The following ACTR3C variants were observed in gnomAD, a reference collection of about 807,000 sequenced individuals.
ACTR3C encodes actin-related protein 3C.
A neutral mutation model predicts 26.3 loss-of-function variants in ACTR3C; 18 were observed. That is an observed-to-expected ratio of 0.68 (90% confidence interval 0.47 to 1.01). ACTR3C has a LOEUF of 1.01. Ranked by LOEUF, ACTR3C falls within the 50% of genes least tolerant of loss-of-function variation. The pLI, the probability that ACTR3C is intolerant of heterozygous loss-of-function variation, is 0.00. For missense variants in ACTR3C, 184 were observed against 250.7 expected (o/e 0.73, Z 1.80); for synonymous variants, 55 against 94.5 (o/e 0.58, Z 2.42).
At chr7:150,037,865 G>A in the ACTR3C span, among the ~76,000 whole-genome samples, 6 of 114,202 alleles carry the variant, frequency 5.3e-5, no homozygotes, top group African/African-American at 9.9e-5. Flanking sequence ...CCCCAGCGAT[G>A]GGGGTCCTAA....
the ACTR3C span, among the ~76,000 whole-genome samples, chr7:150,033,088 G>A: frequency 6.6e-6 from 1 of 152,156 alleles, no homozygotes; most frequent in Non-Finnish European, 1.5e-5. Flanking sequence ...CTGCTGTGTG[G>A]TGAGCACATT....
the ACTR3C span, chr7:150,001,896 T>C: frequency 6.6e-6 from 1 of 151,870 alleles, no homozygotes. Context: ...GAGTTCTCAT[T>C]TGGGAGAAAG....
the ACTR3C span, among the ~76,000 whole-genome samples, chr7:150,196,444 T>C: frequency 1.3e-5 from 2 of 152,232 alleles, no homozygotes; most frequent in African/African-American, 4.8e-5. Flanking sequence ...GCATTTCCAT[T>C]GATTCCTGTC....
the ACTR3C span, among the ~76,000 whole-genome samples, chr7:150,094,377 TA>T: frequency 2.7e-5 from 4 of 149,418 alleles, 1 homozygote; most frequent in Non-Finnish European, 4.4e-5. Flanking sequence ...CTAGACATAA[TA>T]AAAACCTTGA....
At chr7:149,969,429 G>A in the ACTR3C span, among the ~76,000 whole-genome samples, 14 of 152,062 alleles carry the variant, frequency 9.2e-5, no homozygotes, top group African/African-American at 3.1e-4. Flanking sequence ...GCTCACTTGG[G>A]TGCACAGCTC....
At chr7:149,898,431 C>T in the ACTR3C span, among the ~76,000 whole-genome samples, 10 of 152,240 alleles carry the variant, frequency 6.6e-5, no homozygotes, top group Middle Eastern at 3.4e-3. Flanking sequence ...GATAGCCGGG[C>T]GCAGTGGCTC....
chr7:150,169,192 T>TA, the ACTR3C span, among the ~76,000 whole-genome samples: 1 of 149,864 alleles, frequency 6.7e-6, no homozygotes, highest in South Asian at 2.1e-4. Flanking sequence ...CCATCCTGGC[T>TA]AACATGGTGA....
rs1310568078 is a variant in ACTR3C at position 150,264,858 on chromosome 7, T to C, written c.565-15804A>G. 3 of 983,126 alleles carry C rather than the reference T, an allele frequency of 3.1e-6. No homozygotes were observed. The African/African-American group carries it at 5.2e-5, about 17-fold the overall frequency. The allele number at this position is 983,126 out of a possible 1,614,324, so 60.9% of individuals were successfully genotyped here. The stretch of plus-strand genomic sequence containing the variant: ...ATCTGTATCTGGTAGCATTACAGGC[T>C]TTTTCTGTTGACTTTGCTGTGGTAG... On this transcript the variant is annotated intron_variant, in intron 6 of 7. Coordinates refer to ENST00000683684, the MANE Select transcript of ACTR3C (RefSeq NM_001164458.2).
the ACTR3C span, among the ~76,000 whole-genome samples, chr7:150,073,255 A>C: frequency 6.6e-6 from 1 of 152,208 alleles, no homozygotes; most frequent in African/African-American, 2.4e-5. Flanking sequence ...ATGTTCCCAG[A>C]ATGCAGAAGA....
intron 6 of ACTR3C, among the ~76,000 whole-genome samples, chr7:150,258,578 G>A (rs1469262754): frequency 1.3e-5 from 2 of 152,372 alleles, no homozygotes; most frequent in East Asian, 1.9e-4. Flanking sequence ...TGGAACTGAC[G>A]TCCTTAGTAA....
At chr7:150,184,821 C>T in the ACTR3C span, among the ~76,000 whole-genome samples, 1 of 146,330 alleles carries the variant, frequency 6.8e-6, no homozygotes, top group Non-Finnish European at 1.5e-5. Context: ...TTGTTCAAGG[C>T]CACTGCTCTC....
At chr7:150,293,181 C>T (rs1346247167) in intron 3 of ACTR3C, 131 bp downstream of exon 3, 21 of 1,508,956 alleles carry the variant, frequency 1.4e-5, no homozygotes, top group Non-Finnish European at 1.8e-5. Flanking sequence ...CTTTTATTAT[C>T]TTTCTAAGTA....
At chr7:149,891,144 A>G in the ACTR3C span, 2 of 573,544 alleles carry the variant, frequency 3.5e-6, no homozygotes, top group Non-Finnish European at 6.4e-6. Flanking sequence ...AAATCTAAGC[A>G]ATTTGGAATT....
At chr7:150,198,655 C>T in the ACTR3C span, among the ~76,000 whole-genome samples, 8 of 149,360 alleles carry the variant, frequency 5.4e-5, no homozygotes, top group African/African-American at 2.0e-4. Flanking sequence ...CGGCAGCTGC[C>T]CCGTCTGAGA....
At chr7:150,034,977 G>T in the ACTR3C span, among the ~76,000 whole-genome samples, 1 of 147,374 alleles carries the variant, frequency 6.8e-6, no homozygotes, top group Non-Finnish European at 1.5e-5. Context: ...CACTCTCGTG[G>T]GGGGTGCCTC....
At chr7:150,122,379 C>G in the ACTR3C span, among the ~76,000 whole-genome samples, 573 of 151,942 alleles carry the variant, frequency 3.8e-3, 7 homozygotes, top group African/African-American at 0.013. Flanking sequence ...TACAAGGAAC[C>G]TAAACAAATT....
the ACTR3C span, among the ~76,000 whole-genome samples, chr7:149,933,915 G>T: frequency 0.36 from 54,383 of 149,824 alleles, 9,788 homozygotes; most frequent in African/African-American, 0.4. Flanking sequence ...GATTCCAGGT[G>T]TCAAGTTCGA....
intron 6 of ACTR3C, among the ~76,000 whole-genome samples, chr7:150,277,205 T>C (rs1196394194): frequency 2.0e-5 from 3 of 152,106 alleles, no homozygotes; most frequent in Non-Finnish European, 2.9e-5. Context: ...GAGATAGAAA[T>C]AGTGGCCAGG....
the ACTR3C span, among the ~76,000 whole-genome samples, chr7:150,215,016 AC>A: frequency 0.024 from 3,263 of 138,388 alleles, 131 homozygotes; most frequent in African/African-American, 0.1. Flanking sequence ...TTTCAAACAC[AC>A]AAAAAAAATG....
Sources: gnomAD v4.1 joint callset for allele counts (sites outside exome capture counted in the v4.1 genomes callset) on GRCh38, gnomAD v4.1.1 for gene constraint, MANE v1.5 for transcripts, NCBI Gene and HGNC (gene_info 2026-07-23, HGNC 2026-07-21) for gene names.